RPS6KA3: variants seen among roughly 807,000 people sequenced by gnomAD.
RPS6KA3 encodes ribosomal protein S6 kinase A3.
Under a neutral mutation model 67.2 loss-of-function variants are expected in RPS6KA3, and 4 were observed. The ratio of observed to expected loss-of-function variants is 0.06; its 90% CI spans 0.03 to 0.14. The LOEUF (loss-of-function observed/expected upper bound fraction) is 0.14, where lower values mean the gene tolerates loss of function less well. Ranked by LOEUF, RPS6KA3 falls within the 10% of genes least tolerant of loss-of-function variation. RPS6KA3 has a pLI of 1.00. For missense variants in RPS6KA3, 204 were observed against 559.0 expected (o/e 0.36, Z 6.40); for synonymous variants, 182 against 183.7 (o/e 0.99, Z 0.07).
At position 20,176,326 on chromosome X, in the gene RPS6KA3, C is replaced by A. The variant is rs771686066; in HGVS notation, c.1026G>T (p.Pro342=). Residue 342 remains proline, a synonymous_variant, in exon 13 of 22, where the codon CCG becomes CCT. Coordinates refer to ENST00000379565, the MANE Select transcript of RPS6KA3 (RefSeq NM_004586.3). ...WNKLYRREIH[P]PFKPATGRPE... ...GCCTGCCCGTTGCAGGTTTAAATGG[C>A]GGATGAATTTCTCTTCTATACAGTT... 8 of 1,191,475 alleles carry A rather than the reference C, an allele frequency of 6.7e-6. No homozygotes were observed. The African/African-American group carries it at 7.1e-5, about 11-fold the overall frequency.
intron 2 of RPS6KA3, among the ~76,000 whole-genome samples, chrX:20,226,809 C>G (rs766510839): frequency 1.3e-4 from 15 of 111,566 alleles, no homozygotes; most frequent in South Asian, 7.4e-4. Flanking sequence ...CCTTATAATA[C>G]TTTCTCTTGA....
At chrX:20,167,111 T>C (rs559242727) in intron 17 of RPS6KA3, among the ~76,000 whole-genome samples, 273 of 111,972 alleles carry the variant, frequency 2.4e-3, no homozygotes, top group Non-Finnish European at 3.7e-3. Context: ...AGGCATAAGC[T>C]ACCGTGCCCA....
intron 1 of RPS6KA3, chrX:20,266,248 C>T (rs2070380498): frequency 1.5e-5 from 3 of 204,993 alleles, no homozygotes; most frequent in South Asian, 1.6e-4. Context: ...CCCGCCGGCC[C>T]CCGCTCCGCC....
chrX:20,210,859 C>T (rs190045407), intron 2 of RPS6KA3, among the ~76,000 whole-genome samples: 7 of 111,058 alleles, frequency 6.3e-5, no homozygotes, highest in Admixed American at 9.6e-5. Context: ...ACTCTTAAAA[C>T]GCTACCTCTT....
At chrX:20,191,564 T>C (rs191222113) in intron 7 of RPS6KA3, among the ~76,000 whole-genome samples, 95 of 111,740 alleles carry the variant, frequency 8.5e-4, no homozygotes, top group African/African-American at 2.8e-3. Context: ...ATCGCCATTC[T>C]AACTGGCGTG....
chrX:20,207,141 C>T (rs1404950647), intron 3 of RPS6KA3, among the ~76,000 whole-genome samples: 3 of 111,973 alleles, frequency 2.7e-5, no homozygotes, highest in Non-Finnish European at 5.6e-5. Context: ...AGTTAGGAGA[C>T]TCCTTCAATA....
At chrX:20,179,016 G>A (rs2067776598) in intron 10 of RPS6KA3, among the ~76,000 whole-genome samples, 1 of 110,846 alleles carries the variant, frequency 9.0e-6, no homozygotes, top group South Asian at 3.8e-4. Flanking sequence ...TAGGAATGTG[G>A]TCAGATAGTA....
chrX:20,242,078 A>G (rs1184460588), intron 1 of RPS6KA3, among the ~76,000 whole-genome samples: 1 of 111,902 alleles, frequency 8.9e-6, no homozygotes, highest in African/African-American at 3.2e-5. Context: ...TCCCACTAAA[A>G]GAAAAGGGTT....
In RPS6KA3 at chrX:20,217,986, G is replaced by A. The variant is rs113850993; in HGVS notation, c.127-8582C>T. 8.8e-4 allele frequency among the ~76,000 whole-genome samples: 99 copies of A among 111,990 alleles called. 1 individual carries two copies. Among genetic ancestry groups the A allele is most frequent in the African/African-American group, 3.1e-3 (96 of 30,902 alleles). ...TCATTTAACCAAATTCTTTAAGAGA[G>A]CTTTAAGCTCTTATAAGTCAGCTCC... On this transcript the variant is annotated intron_variant, in intron 2 of 21. Coordinates refer to ENST00000379565, the MANE Select transcript of RPS6KA3 (RefSeq NM_004586.3).
chrX:20,260,452 T>C (rs993274561), intron 1 of RPS6KA3, among the ~76,000 whole-genome samples: 4 of 111,867 alleles, frequency 3.6e-5, no homozygotes, highest in African/African-American at 1.3e-4. Context: ...CATATATTCT[T>C]CACAATGTTG....
At chrX:20,256,577 T>C (rs1412524379) in intron 1 of RPS6KA3, among the ~76,000 whole-genome samples, 1 of 112,233 alleles carries the variant, frequency 8.9e-6, no homozygotes, top group Non-Finnish European at 1.9e-5. Context: ...GTAAGACAGC[T>C]GGTTAGAAAT....
At chrX:20,160,150 C>T (rs1213613756) in intron 20 of RPS6KA3, among the ~76,000 whole-genome samples, 5 of 112,330 alleles carry the variant, frequency 4.5e-5, no homozygotes, top group African/African-American at 1.3e-4. Flanking sequence ...GACTAAGCAT[C>T]GTCTGTGTAC....
intron 1 of RPS6KA3, among the ~76,000 whole-genome samples, chrX:20,237,702 T>C (rs1241989308): frequency 5.4e-5 from 6 of 111,787 alleles, no homozygotes; most frequent in Non-Finnish European, 1.1e-4. Flanking sequence ...CCAATGCACA[T>C]TATTACTAAG....
intron 1 of RPS6KA3, among the ~76,000 whole-genome samples, chrX:20,249,857 C>G (rs1182328910): frequency 8.9e-6 from 1 of 112,266 alleles, no homozygotes; most frequent in African/African-American, 3.2e-5. Flanking sequence ...TGAAGATCTT[C>G]TCCTATGTCT....
intron 2 of RPS6KA3, among the ~76,000 whole-genome samples, chrX:20,214,205 T>C (rs923815290): frequency 5.4e-5 from 6 of 111,203 alleles, no homozygotes; most frequent in African/African-American, 2.0e-4. Flanking sequence ...GGTGGTTCTG[T>C]AGGCCCGCTG....
chrX:20,265,028 A>G (rs1308544163), intron 1 of RPS6KA3, among the ~76,000 whole-genome samples: 1 of 112,369 alleles, frequency 8.9e-6, no homozygotes, highest in Non-Finnish European at 1.9e-5. Flanking sequence ...AATTTTAAAT[A>G]AAGTTCTTGT....
chrX:20,162,909 G>T, intron 19 of RPS6KA3, 55 bp downstream of exon 19: 1 of 844,280 alleles, frequency 1.2e-6, no homozygotes, highest in South Asian at 2.0e-5. Flanking sequence ...GATAACTTAA[G>T]CAAAACATTG....
At position 20,151,154 on chromosome X, in the gene RPS6KA3, A is replaced by AT. The variant is rs1404443248; in HGVS notation, c.*4243dup. Reference sequence around the variant, plus strand: ...GCTGCAAATCACTTGATCACACAGAATACAGCAGTGTCAAAAACACATAAA... The same window carrying AT: ...GCTGCAAATCACTTGATCACACAGAATTACAGCAGTGTCAAAAACACATAAA... On this transcript the variant is annotated 3_prime_UTR_variant, in exon 22 of 22. Coordinates refer to ENST00000379565, the MANE Select transcript of RPS6KA3 (RefSeq NM_004586.3). 8.9e-6 allele frequency: 1 copy of AT among 112,848 alleles called. No individual in the cohort carries two copies. Among genetic ancestry groups the AT allele is most frequent in the Non-Finnish European group, 1.9e-5 (1 of 53,314 alleles). The allele number at this position is 112,848 out of a possible 1,213,427, so 9.3% of individuals were successfully genotyped here. A position where few individuals can be genotyped will look rare whatever the true frequency, so the allele number is the denominator to read the frequency against.
chrX:20,212,781 A>C (rs186480358), intron 2 of RPS6KA3, among the ~76,000 whole-genome samples: 4 of 111,412 alleles, frequency 3.6e-5, no homozygotes, highest in African/African-American at 1.3e-4. Flanking sequence ...TCCCTTCAGT[A>C]TAACAACCAC....
Sources: allele counts gnomAD v4.1 joint callset (sites outside exome capture counted in the v4.1 genomes callset), GRCh38; gene constraint gnomAD v4.1.1; transcripts MANE v1.5; gene names NCBI Gene and HGNC (gene_info 2026-07-23, HGNC 2026-07-21).